Variants in FGF2 observed in about 807,000 individuals in gnomAD.
The protein encoded by FGF2 is basic fibroblast growth factor bFGF.
In FGF2, 13 loss-of-function variants were observed where a neutral mutation model predicts 15.9. The observed-to-expected ratio is 0.82, with a 90% CI of 0.53 to 1.30. The LOEUF is 1.30. Among genes scored for constraint, FGF2 ranks in the 50% most tolerant of loss-of-function variants. The pLI is 0.00. For synonymous variants in FGF2, 90 were observed against 78.4 expected (o/e 1.15, Z -0.78); for missense variants, 163 against 196.9 (o/e 0.83, Z 1.03).
At chr4:122,826,790 G>A (rs1240991186), upstream of FGF2, 1 of 1,404,368 alleles carries the variant, frequency 7.1e-7, no homozygotes, top group Non-Finnish European at 9.4e-7. Context: ...TGGGTGTGGG[G>A]GGTGGAGATG....
chr4:122,839,561 C>G (rs1340785513), intron 1 of FGF2, among the ~76,000 whole-genome samples: 1 of 152,180 alleles, frequency 6.6e-6, no homozygotes, highest in Non-Finnish European at 1.5e-5. Context: ...TTAAACTCCT[C>G]TTTCCTTTAT....
intron 1 of FGF2, among the ~76,000 whole-genome samples, chr4:122,848,927 C>T (rs1160959755): frequency 6.6e-6 from 1 of 152,112 alleles, no homozygotes; most frequent in Non-Finnish European, 1.5e-5. Flanking sequence ...TAGGAGAGAG[C>T]TGGGATTCAT....
At chr4:122,888,725 A>ACATTT (rs1727107565) in intron 2 of FGF2, 1 of 152,210 alleles carries the variant, frequency 6.6e-6, no homozygotes, top group Non-Finnish European at 1.5e-5. Flanking sequence ...TTCTCAATGG[A>ACATTT]GCCTACTGTG....
chr4:122,898,001 T>C lies in FGF2; in HGVS notation c.*5605T>C. ...TCTGTAATTTAAAATATTTTGCTGCTAGTTAACTATGAACAGATAGAAGAA... is the reference window on the plus strand; with the variant it reads ...TCTGTAATTTAAAATATTTTGCTGCCAGTTAACTATGAACAGATAGAAGAA... On this transcript the variant is annotated 3_prime_UTR_variant, in exon 3 of 3. Coordinates refer to ENST00000644866, the MANE Select transcript of FGF2 (RefSeq NM_001361665.2). The C allele has an allele frequency of 4.0e-6, 1 of 248,230 alleles. No individual in the cohort carries two copies. Among genetic ancestry groups the C allele is most frequent in the East Asian group, 9.3e-5 (1 of 10,740 alleles). The allele number at this position is 248,230 out of a possible 1,614,324, so 15.4% of individuals were successfully genotyped here.
chr4:122,830,788 T>G (rs928094340), intron 1 of FGF2, among the ~76,000 whole-genome samples: 1 of 134,010 alleles, frequency 7.5e-6, no homozygotes, highest in Admixed American at 9.0e-5. Context: ...ACACTTAGTA[T>G]TCAATTTATT....
rs1191300188 is a variant in FGF2 at position 122,897,117 on chromosome 4, CCTGA to C, written c.*4724_*4727del. ...ATGACATTTTACTATGTTTTGACTA[CCTGA>C]CTATTAAAAATAAATAGTAGATACA... On this transcript the variant is annotated 3_prime_UTR_variant, in exon 3 of 3. Transcript: ENST00000644866. 1.3e-5 allele frequency: 2 copies of C among 152,544 alleles called. No individual in the cohort carries two copies. Among genetic ancestry groups the C allele is most frequent in the Middle Eastern group, 3.5e-3 (1 of 288 alleles). The allele number at this position is 152,544 out of a possible 1,614,324, so 9.4% of individuals were successfully genotyped here.
At position 122,858,466 on chromosome 4, in the gene FGF2, C is replaced by T. The variant is rs533991317; in HGVS notation, c.179-17855C>T. ...AGGCTGGAGTGCAGTGGTCTGGTCTCGGCTCACTGCAACTTCCGCCTCCTG... is the reference window on the plus strand; with the variant it reads ...AGGCTGGAGTGCAGTGGTCTGGTCTTGGCTCACTGCAACTTCCGCCTCCTG... On this transcript the variant is annotated intron_variant, in intron 1 of 2. Transcript: ENST00000644866. Among the ~76,000 whole-genome samples the T allele has an allele frequency of 9.9e-5, 15 of 151,990 alleles. No individual in the cohort carries two copies. In the South Asian group the frequency reaches 2.5e-3, roughly 25 times the overall value.
chr4:122,833,832 T>C lies in FGF2; in HGVS notation c.178+6480T>C, dbSNP rs142353444. Among the ~76,000 whole-genome samples, 96 of 152,334 alleles carry C rather than the reference T, an allele frequency of 6.3e-4. 1 individual carries two copies. The highest frequency in any genetic ancestry group is 3.4e-3 in the Middle Eastern group (1 of 294). On this transcript the variant is annotated intron_variant, in intron 1 of 2. Coordinates refer to ENST00000644866, the MANE Select transcript of FGF2 (RefSeq NM_001361665.2). Reference sequence around the variant, plus strand: ...ATGAAGATAATTATATATAGCAAAGTTATATTTGGGAAACATTTCGGAATT... The same window carrying C: ...ATGAAGATAATTATATATAGCAAAGCTATATTTGGGAAACATTTCGGAATT...
At chr4:122,872,773 C>T (rs1726766917) in intron 1 of FGF2, among the ~76,000 whole-genome samples, 2 of 152,198 alleles carry the variant, frequency 1.3e-5, no homozygotes, top group Admixed American at 6.5e-5. Flanking sequence ...TCCAGCCACA[C>T]TAACCTTCAA....
chr4:122,838,191 A>C (rs988454925), intron 1 of FGF2, among the ~76,000 whole-genome samples: 1 of 152,208 alleles, frequency 6.6e-6, no homozygotes, highest in African/African-American at 2.4e-5. Flanking sequence ...GGGTGGTATG[A>C]AAGCCCTGAA....
Position 122,896,103 on chromosome 4 carries a change from GT to G in FGF2, c.*3714del, listed in dbSNP as rs1212643090. The stretch of plus-strand genomic sequence containing the variant: ...GGAAGTATGGCTAATGCCAACGGCA[GT>G]TTTTTTCTTCTTAATTCCACATGAC... On this transcript the variant is annotated 3_prime_UTR_variant, in exon 3 of 3. Transcript: ENST00000644866. 1 of 152,226 alleles carries G rather than the reference GT, an allele frequency of 6.6e-6. No individual in the cohort carries two copies. The highest frequency in any genetic ancestry group is 1.5e-5 in the Non-Finnish European group (1 of 67,984). The allele number at this position is 152,226 out of a possible 1,614,324, so 9.4% of individuals were successfully genotyped here.
intron 1 of FGF2, among the ~76,000 whole-genome samples, chr4:122,858,325 G>A (rs1439653830): frequency 6.6e-6 from 1 of 151,632 alleles, no homozygotes; most frequent in Admixed American, 6.6e-5. Flanking sequence ...ATTACCATGG[G>A]TACTCCATAT....
chr4:122,855,004 C>G (rs184409443), intron 1 of FGF2, among the ~76,000 whole-genome samples: 1 of 152,060 alleles, frequency 6.6e-6, no homozygotes, highest in African/African-American at 2.4e-5. Context: ...ACACACATGC[C>G]GCTCTGTTTT....
chr4:122,861,571 C>G (rs886243656), intron 1 of FGF2, among the ~76,000 whole-genome samples: 2 of 152,050 alleles, frequency 1.3e-5, no homozygotes, highest in African/African-American at 4.8e-5. Flanking sequence ...CTTCATGTCT[C>G]CCGTATTTGT....
At chr4:122,885,534 A>G (rs1025894641) in intron 2 of FGF2, among the ~76,000 whole-genome samples, 1 of 152,144 alleles carries the variant, frequency 6.6e-6, no homozygotes, top group African/African-American at 2.4e-5. Flanking sequence ...TCAGTTTTGT[A>G]AAAAATATAT....
At chr4:122,877,217 C>T (rs1379918460) in intron 2 of FGF2, among the ~76,000 whole-genome samples, 1 of 151,508 alleles carries the variant, frequency 6.6e-6, no homozygotes, top group Non-Finnish European at 1.5e-5. Context: ...TCAAGCAATT[C>T]TCCTGCCTCA....
intron 1 of FGF2, among the ~76,000 whole-genome samples, chr4:122,861,530 T>C (rs1344029749): frequency 6.6e-6 from 1 of 152,094 alleles, no homozygotes; most frequent in East Asian, 1.9e-4. Context: ...CCTCCCTTCC[T>C]TCTCCTCATA....
At chr4:122,852,441 A>C (rs1329794644) in intron 1 of FGF2, among the ~76,000 whole-genome samples, 1 of 152,208 alleles carries the variant, frequency 6.6e-6, no homozygotes, top group Non-Finnish European at 1.5e-5. Flanking sequence ...CCTGTTTGCT[A>C]ATATCAAAAT....
At chr4:122,868,292 C>T (rs1726648507) in intron 1 of FGF2, among the ~76,000 whole-genome samples, 1 of 152,066 alleles carries the variant, frequency 6.6e-6, no homozygotes, top group Non-Finnish European at 1.5e-5. Flanking sequence ...CACAACAGGC[C>T]CTGGTGTGTG....
Sources: gnomAD v4.1 joint callset for allele counts (sites outside exome capture counted in the v4.1 genomes callset) on GRCh38, gnomAD v4.1.1 for gene constraint, MANE v1.5 for transcripts, NCBI Gene and HGNC (gene_info 2026-07-23, HGNC 2026-07-21) for gene names.